FGF14: variants seen among roughly 807,000 people sequenced by gnomAD.
The protein encoded by FGF14 is fibroblast growth factor 14.
In FGF14, 5 loss-of-function variants were observed where a neutral mutation model predicts 25.5. That is an observed-to-expected ratio of 0.20 (90% CI 0.10 to 0.41). FGF14 has a LOEUF of 0.41. Among genes scored for constraint, FGF14 ranks in the 10% least tolerant of loss-of-function variants. FGF14 has a pLI of 1.00. For missense variants in FGF14, 222 were observed against 320.1 expected, an observed-to-expected ratio of 0.69 and a Z score of 2.34; for synonymous variants, 138 against 118.3, an observed-to-expected ratio of 1.17 and a Z score of -1.08.
At chr13:102,402,048 G>GA (rs71840194), upstream of FGF14, 37,309 of 106,626 alleles carry the variant, frequency 0.35, 5,442 homozygotes, top group Admixed American at 0.42. Context: ...AGGAGAGAAG[G>GA]AAAAAAAAAA....
chr13:102,378,548 T>C (rs1237499548), intron 1 of FGF14, among the ~76,000 whole-genome samples: 5 of 151,832 alleles, frequency 3.3e-5, no homozygotes, highest in Non-Finnish European at 5.9e-5. Context: ...CAAGAATAAA[T>C]AAATATCTAC....
intron 1 of FGF14, among the ~76,000 whole-genome samples, chr13:101,973,530 C>A (rs2139560177): frequency 6.6e-6 from 1 of 152,234 alleles, no homozygotes; most frequent in Non-Finnish European, 1.5e-5. Context: ...CAAGGTCCCA[C>A]AATAGGCTGA....
chr13:102,315,454 G>A (rs1025070710), intron 1 of FGF14, among the ~76,000 whole-genome samples: 7 of 151,962 alleles, frequency 4.6e-5, no homozygotes, highest in Non-Finnish European at 8.8e-5. Flanking sequence ...CATTTTTTGC[G>A]GGCCTCTTTT....
At position 102,275,262 on chromosome 13, in the gene FGF14, T is replaced by TCTCTCTCTCTCTCTCTCTCTC. The variant is rs1555391875; in HGVS notation, c.208+126208_208+126209insGAGAGAGAGAGAGAGAGAGAG. Among the ~76,000 whole-genome samples, 47 of 68,980 alleles carry TCTCTCTCTCTCTCTCTCTCTC rather than the reference T, an allele frequency of 6.8e-4. 4 individuals are homozygous for TCTCTCTCTCTCTCTCTCTCTC. Among genetic ancestry groups the TCTCTCTCTCTCTCTCTCTCTC allele is most frequent in the East Asian group, 2.3e-3 (3 of 1,304 alleles). 45.3% of individuals were successfully genotyped at this position (68,980 alleles called of 152,430 possible). On this transcript the variant is annotated intron_variant, in intron 1 of 4. Coordinates refer to the FGF14 transcript ENST00000376131. Reference sequence around the variant, plus strand: ...TCTCTCTCTCTCTCTCTCTCTCTCTTTCTCTCTCTCTCTCTCTCTCTCTCT... The same window carrying TCTCTCTCTCTCTCTCTCTCTC: ...TCTCTCTCTCTCTCTCTCTCTCTCTTCTCTCTCTCTCTCTCTCTCTCTCTCTCTCTCTCTCTCTCTCTCTCT...
chr13:102,157,402 TG>T (rs1412792822), intron 1 of FGF14, among the ~76,000 whole-genome samples: 1 of 152,148 alleles, frequency 6.6e-6, no homozygotes, highest in African/African-American at 2.4e-5. Context: ...AAACAAGAAA[TG>T]GGGAGAGAAT....
chr13:102,050,389 A>G (rs2042166904), intron 1 of FGF14, among the ~76,000 whole-genome samples: 1 of 152,168 alleles, frequency 6.6e-6, no homozygotes, highest in Non-Finnish European at 1.5e-5. Flanking sequence ...CATCTCTTCC[A>G]TCACCATAAC....
intron 1 of FGF14, among the ~76,000 whole-genome samples, chr13:102,296,372 A>G (rs1025793421): frequency 7.9e-5 from 12 of 152,180 alleles, no homozygotes; most frequent in Admixed American, 7.2e-4. Flanking sequence ...AGCTTGGTGC[A>G]CAAAACCCCT....
At chr13:101,813,052 A>C (rs1408270451) in intron 3 of FGF14, among the ~76,000 whole-genome samples, 1 of 152,148 alleles carries the variant, frequency 6.6e-6, no homozygotes, top group African/African-American at 2.4e-5. Context: ...GTTGAAGTCA[A>C]AGACTTAAGC....
intron 3 of FGF14, among the ~76,000 whole-genome samples, chr13:101,749,038 T>G (rs947767935): frequency 6.6e-6 from 1 of 152,122 alleles, no homozygotes; most frequent in East Asian, 1.9e-4. Context: ...AACATTACGC[T>G]AAGTCAAATA....
intron 1 of FGF14, among the ~76,000 whole-genome samples, chr13:102,090,235 T>C (rs1385950857): frequency 4.6e-5 from 7 of 152,250 alleles, no homozygotes; most frequent in Admixed American, 1.3e-4. Flanking sequence ...TACAGGCTTA[T>C]TGAATTTTTC....
intron 3 of FGF14, among the ~76,000 whole-genome samples, chr13:101,771,369 C>G (rs1048494609): frequency 3.7e-4 from 44 of 120,312 alleles, no homozygotes; most frequent in African/African-American, 1.1e-3. Flanking sequence ...TGAAAAATGC[C>G]CCCCCACCCA....
intron 3 of FGF14, among the ~76,000 whole-genome samples, chr13:101,763,310 T>C (rs2038157034): frequency 6.6e-6 from 1 of 152,220 alleles, no homozygotes; most frequent in African/African-American, 2.4e-5. Flanking sequence ...TCTGTAGCAC[T>C]GATTGGCATA....
chr13:102,104,987 TG>T, intron 1 of FGF14, among the ~76,000 whole-genome samples: 2 of 61,164 alleles, frequency 3.3e-5, no homozygotes, highest in Non-Finnish European at 6.5e-5. Context: ...TAGCAAGGAC[TG>T]TGTCCAGAAA....
intron 3 of FGF14, among the ~76,000 whole-genome samples, chr13:101,797,504 G>A (rs2040595887): frequency 6.6e-6 from 1 of 152,012 alleles, no homozygotes; most frequent in African/African-American, 2.4e-5. Context: ...CATGAGGGAG[G>A]AGCCACAGTA....
chr13:102,256,859 T>C (rs1265908129), intron 1 of FGF14, among the ~76,000 whole-genome samples: 2 of 152,232 alleles, frequency 1.3e-5, no homozygotes, highest in Non-Finnish European at 2.9e-5. Context: ...ATCAGGTTTA[T>C]AAATTAAATC....
At chr13:101,960,667 C>A (rs2036795013) in intron 1 of FGF14, among the ~76,000 whole-genome samples, 1 of 152,230 alleles carries the variant, frequency 6.6e-6, no homozygotes, top group South Asian at 2.1e-4. Flanking sequence ...GTATATATAT[C>A]TTTACAATAG....
At chr13:101,955,316 C>T (rs556027049) in intron 1 of FGF14, among the ~76,000 whole-genome samples, 23 of 152,226 alleles carry the variant, frequency 1.5e-4, no homozygotes, top group Non-Finnish European at 3.2e-4. Context: ...GGTTTAGCTT[C>T]TAATGTGGCT....
At chr13:102,264,473 A>T (rs1376900854) in intron 1 of FGF14, among the ~76,000 whole-genome samples, 3 of 152,174 alleles carry the variant, frequency 2.0e-5, no homozygotes, top group Non-Finnish European at 2.9e-5. Flanking sequence ...TTTCTAGTAC[A>T]ATACCAGACA....
chr13:102,035,339 T>C (rs1423147082), intron 1 of FGF14, among the ~76,000 whole-genome samples: 3 of 152,120 alleles, frequency 2.0e-5, no homozygotes, highest in East Asian at 1.9e-4. Flanking sequence ...TGAAGATGAG[T>C]ACAAAGAAGC....
Sources: allele counts gnomAD v4.1 joint callset (sites outside exome capture counted in the v4.1 genomes callset), GRCh38; gene constraint gnomAD v4.1.1; transcripts MANE v1.5; gene names NCBI Gene and HGNC (gene_info 2026-07-23, HGNC 2026-07-21).